HDAC7: variants seen among roughly 807,000 people sequenced by gnomAD.
HDAC7 encodes histone deacetylase 7, also known as histone deacetylase 7A.
HDAC7 carries 26 observed loss-of-function variants against 115.5 expected under a neutral mutation model. That is an observed-to-expected ratio of 0.23 (90% CI 0.16 to 0.31). The LOEUF is 0.31. Among genes scored for constraint, HDAC7 ranks in the 10% least tolerant of loss-of-function variants. The pLI is 1.00. For missense variants in HDAC7, 1,068 were observed against 1,329.0 expected (o/e 0.80, Z 3.05); for synonymous variants, 564 against 550.9 (o/e 1.02, Z -0.33).
At chr12:47,804,625 C>A (rs59502643) in intron 1 of HDAC7, among the ~76,000 whole-genome samples, 1 of 152,044 alleles carries the variant, frequency 6.6e-6, no homozygotes, top group East Asian at 1.9e-4. Flanking sequence ...TTTTGGAATC[C>A]TGGCTACTCC....
At position 47,798,545 on chromosome 12, in the gene HDAC7, G is replaced by C. The variant is rs761047616; in HGVS notation, c.349+17C>G. ...GGCTGGTGGGGCTGGGCTGGGCTGGGGTGGCCACCTCCTTACTTCGCTTGC... is the reference window on the plus strand; with the variant it reads ...GGCTGGTGGGGCTGGGCTGGGCTGGCGTGGCCACCTCCTTACTTCGCTTGC... On this transcript the variant is annotated intron_variant, in intron 4 of 25. Transcript: ENST00000080059. The surrounding 1 kb of genome is among the most constrained non-coding windows in gnomAD (Gnocchi z 4.3). 1 of 1,611,216 alleles carries C rather than the reference G, an allele frequency of 6.2e-7. No homozygotes were observed. Among genetic ancestry groups the C allele is most frequent in the Non-Finnish European group, 8.5e-7 (1 of 1,178,374 alleles).
intron 22 of HDAC7, 43 bp from the exon 23 acceptor site, chr12:47,785,928 A>C: frequency 1.3e-6 from 2 of 1,540,624 alleles, no homozygotes; most frequent in South Asian, 2.5e-5. Flanking sequence ...GGGAGTGGAG[A>C]GGTGACCCTG....
At chr12:47,790,201 G>A (rs1479374812) in intron 16 of HDAC7, 4 of 441,246 alleles carry the variant, frequency 9.1e-6, no homozygotes, top group African/African-American at 5.9e-5. Context: ...GGGGCATGGC[G>A]TTACCTGGGC....
intron 1 of HDAC7, among the ~76,000 whole-genome samples, chr12:47,815,571 C>G (rs544433867): frequency 3.3e-4 from 51 of 152,338 alleles, no homozygotes; most frequent in African/African-American, 1.2e-3. Context: ...CCAGGCCCCA[C>G]CCCTCAGATT....
chr12:47,789,233 T>C (rs1051629802), intron 19 of HDAC7, 28 bp downstream of exon 19: 1 of 1,561,464 alleles, frequency 6.4e-7, no homozygotes. Flanking sequence ...GGCTCTCGAA[T>C]TGGAGGGTGC....
rs1943938799 is a variant in HDAC7, at chr12:47,797,824, A to C, written c.461+284T>G. On this transcript the variant is annotated intron_variant, in intron 5 of 25. Transcript: ENST00000080059. This position sits in a 1 kb window ranked among gnomAD's most constrained non-coding sequence, Gnocchi z 5.5. ...CGCTCAGGGAAAATATAAAGAGAGAAGGGGCTCATGTGCAAGAAAAAAGCC... is the reference window on the plus strand; with the variant it reads ...CGCTCAGGGAAAATATAAAGAGAGACGGGGCTCATGTGCAAGAAAAAAGCC... 7.1e-6 allele frequency among the ~76,000 whole-genome samples: 1 copy of C among 141,752 alleles called. No individual in the cohort carries two copies. Among genetic ancestry groups the C allele is most frequent in the Non-Finnish European group, 1.5e-5 (1 of 65,218 alleles). The allele number at this position is 141,752 out of a possible 152,430, so 93.0% of individuals were successfully genotyped here. A position where few individuals can be genotyped will look rare whatever the true frequency, so the allele number is the denominator to read the frequency against.
upstream of HDAC7, among the ~76,000 whole-genome samples, chr12:47,821,026 C>G (rs985371870): frequency 2.6e-5 from 4 of 152,206 alleles, no homozygotes; most frequent in African/African-American, 9.7e-5. Context: ...TGGAGCTGCT[C>G]CTAGGAAGGG....
At chr12:47,784,853 C>T (rs574375781) in intron 24 of HDAC7, 1 of 1,330,290 alleles carries the variant, frequency 7.5e-7, no homozygotes, top group African/African-American at 1.5e-5. Flanking sequence ...CATCACGGCT[C>T]CCCTACCCAG....
At position 47,791,851 on chromosome 12, in the gene HDAC7, C is replaced by T; in HGVS notation, c.1812+20G>A. 1 of 1,415,518 alleles carries T rather than the reference C, an allele frequency of 7.1e-7. No homozygotes were observed. The highest frequency in any genetic ancestry group is 9.5e-7 in the Non-Finnish European group (1 of 1,047,874). 87.7% of individuals were successfully genotyped at this position (1,415,518 alleles called of 1,614,324 possible). On this transcript the variant is annotated intron_variant, in intron 14 of 25. Transcript: ENST00000080059. ...CTCCTCCCTCCACCCATTCCTCGGG[C>T]CCCACCCGCGCCTCCTCACCTCACA...
rs1005270487 is a variant in HDAC7 at position 47,793,980 on chromosome 12, A to T, written c.1459-392T>A. Among the ~76,000 whole-genome samples the T allele has an allele frequency of 1.3e-5, 2 of 152,242 alleles. No individual in the cohort carries two copies. Among genetic ancestry groups the T allele is most frequent in the African/African-American group, 2.4e-5 (1 of 41,460 alleles). Reference sequence around the variant, plus strand: ...TTATGTTCCCCACCCTCAAATTTATATGTTGAAGTCCCAACCCCCAGTACC... The same window carrying T: ...TTATGTTCCCCACCCTCAAATTTATTTGTTGAAGTCCCAACCCCCAGTACC... On this transcript the variant is annotated intron_variant, in intron 12 of 25. Transcript: ENST00000080059. The surrounding 1 kb of genome is among the most constrained non-coding windows in gnomAD (Gnocchi z 4.5).
chr12:47,788,517 TA>T (rs1188765323), intron 19 of HDAC7: 6 of 168,622 alleles, frequency 3.6e-5, no homozygotes, highest in Non-Finnish European at 3.8e-5. Context: ...CTGTCTTGCA[TA>T]AAGTCATGAA....
Position 47,816,044 on chromosome 12 carries a change from C to G in HDAC7, c.19+3723G>C, listed in dbSNP as rs529812005. On this transcript the variant is annotated intron_variant, in intron 1 of 25. Coordinates refer to ENST00000080059, the MANE Select transcript of HDAC7 (RefSeq NM_015401.5). ...GTAGCTGGGATTACAGGCGCGCACG[C>G]CACACCTGGCTAATTTTTTGTATTT... Among the ~76,000 whole-genome samples the G allele has an allele frequency of 2.4e-4, 36 of 152,038 alleles. No individual in the cohort carries two copies. In the South Asian group the frequency reaches 7.3e-3, roughly 31 times the overall value.
At chr12:47,821,324 C>CGGCATA (rs1945018770), upstream of HDAC7, among the ~76,000 whole-genome samples, 1 of 152,162 alleles carries the variant, frequency 6.6e-6, no homozygotes, top group South Asian at 2.1e-4. Flanking sequence ...CTGTTGCTAC[C>CGGCATA]GGCATATTCA....
At chr12:47,806,168 C>T (rs971912211) in intron 1 of HDAC7, among the ~76,000 whole-genome samples, 1 of 152,218 alleles carries the variant, frequency 6.6e-6, no homozygotes, top group African/African-American at 2.4e-5. Context: ...ATCCAGAACC[C>T]AGCAGGGAGC....
chr12:47,795,364 G>A lies in HDAC7; in HGVS notation c.1104C>T (p.Pro368=), dbSNP rs1455401555. The change falls in exon 11 of 26, where the codon CCC becomes CCT. Residue 368 remains proline (P), a synonymous_variant. Transcript: ENST00000080059. This position sits in a 1 kb window ranked among gnomAD's most constrained non-coding sequence, Gnocchi z 4.3. ...APLLTVPGLG[P]LPFHFAQSLM... ...AGGACTGGGCAAAGTGGAAGGGCAA[G>A]GGCCCAAGCCCGGGCACTGGAAAGA... 1.2e-6 allele frequency: 2 copies of A among 1,604,876 alleles called. No individual in the cohort carries two copies. The highest frequency in any genetic ancestry group is 2.7e-5 in the African/African-American group (2 of 74,678).
chr12:47,792,993 C>T (rs2136949520), intron 13 of HDAC7: 1 of 274,052 alleles, frequency 3.6e-6, no homozygotes, highest in African/African-American at 2.2e-5. Context: ...GGTGATTTTT[C>T]TTTTCTTCTT....
chr12:47,796,134 G>T, intron 8 of HDAC7, 73 bp downstream of exon 8: 2 of 1,530,984 alleles, frequency 1.3e-6, no homozygotes, highest in Non-Finnish European at 1.8e-6. Context: ...CCCAGCCCAG[G>T]TAGGGCCGCC....
Position 47,783,757 on chromosome 12 carries a change from G to A in HDAC7, c.*84C>T, listed in dbSNP as rs1164731657. 1 of 1,373,828 alleles carries A rather than the reference G, an allele frequency of 7.3e-7. No individual in the cohort carries two copies. Among genetic ancestry groups the A allele is most frequent in the Non-Finnish European group, 1.0e-6 (1 of 977,210 alleles). The allele number at this position is 1,373,828 out of a possible 1,614,324, so 85.1% of individuals were successfully genotyped here. On this transcript the variant is annotated 3_prime_UTR_variant, in exon 26 of 26. Transcript: ENST00000080059. ...ACTACTTGCCCACAGGATCTCTAAA[G>A]ACCCAGGAATGGGGGCTATTGCCAG...
chr12:47,809,541 G>A (rs541400840), intron 1 of HDAC7, among the ~76,000 whole-genome samples: 1 of 152,144 alleles, frequency 6.6e-6, no homozygotes, highest in East Asian at 1.9e-4. Context: ...TTGGCGGGGG[G>A]AGGGCAACAT....
Sources: allele counts gnomAD v4.1 joint callset (sites outside exome capture counted in the v4.1 genomes callset), GRCh38; gene constraint gnomAD v4.1.1; non-coding constraint Gnocchi (gnomAD v3.1); transcripts MANE v1.5; gene names NCBI Gene and HGNC (gene_info 2026-07-23, HGNC 2026-07-21).